The following FBF1 variants were observed in gnomAD, a reference collection of about 807,000 sequenced individuals.
FBF1 encodes the protein fas-binding factor 1.
Under a neutral mutation model 147.2 loss-of-function variants are expected in FBF1, and 119 were observed. The ratio of observed to expected loss-of-function variants is 0.81; its 90% CI spans 0.70 to 0.94. FBF1 has a LOEUF of 0.94. FBF1 is among the 40% of genes least tolerant of loss of function. The probability of loss-of-function intolerance (pLI) is 0.00; values close to 1 mark genes in which losing one functional copy is unlikely to be tolerated. For synonymous variants in FBF1, 601 were observed against 609.0 expected (o/e 0.99, Z 0.19); for missense variants, 1,449 against 1,500.8 (o/e 0.97, Z 0.57).
chr17:75,937,462 G>A, intron 3 of FBF1, 104 bp downstream of exon 3: 5 of 1,368,066 alleles, frequency 3.7e-6, no homozygotes, highest in African/African-American at 1.4e-5. Flanking sequence ...GAGCCACCGT[G>A]CCCGGCCCAA....
intron 16 of FBF1, 38 bp from the exon 17 acceptor site, chr17:75,921,340 A>AG (rs1177332416): frequency 1.3e-6 from 2 of 1,571,032 alleles, no homozygotes; most frequent in African/African-American, 2.7e-5. Flanking sequence ...CAGGAGGCCC[A>AG]GGGCACTGGG....
rs1450455447 is a variant in FBF1 at position 75,925,667 on chromosome 17, C to T, written c.869-221G>A. Among the ~76,000 whole-genome samples, 2 of 152,172 alleles carry T rather than the reference C, an allele frequency of 1.3e-5. No individual in the cohort carries two copies. Among genetic ancestry groups the T allele is most frequent in the African/African-American group, 4.8e-5 (2 of 41,438 alleles). On this transcript the variant is annotated intron_variant, in intron 12 of 29. Transcript: ENST00000636174. The surrounding 1 kb of genome is among the most constrained non-coding windows in gnomAD (Gnocchi z 5.0). ...ATCCCTCGAGGTCAGGTCCAGCGAG[C>T]GGCATGTGTCACAAGAATGATTCTC...
At chr17:75,929,964 C>CCCCCCCTACAAAA in intron 7 of FBF1, 33 bp downstream of exon 7, 1 of 1,402,202 alleles carries the variant, frequency 7.1e-7, no homozygotes, top group Non-Finnish European at 9.9e-7. Context: ...CACCCACCCC[C>CCCCCCCTACAAAA]AGTTCTAAGA....
At position 75,925,391 on chromosome 17, in the gene FBF1, A is replaced by G. The variant is rs967187827; in HGVS notation, c.924T>C (p.Thr308=). 6.2e-7 allele frequency: 1 copy of G among 1,613,654 alleles called. No homozygotes were observed. Among genetic ancestry groups the G allele is most frequent in the South Asian group, 1.1e-5 (1 of 91,070 alleles). Residue 308 remains threonine (T), a synonymous_variant, in exon 13 of 30, where the codon ACT becomes ACC. Coordinates refer to ENST00000636174, the MANE Select transcript of FBF1 (RefSeq NM_001319193.2). The surrounding 1 kb of genome is among the most constrained non-coding windows in gnomAD (Gnocchi z 5.0). ...EDFTFGAYQP[T]VVSSEGRQSR... is the part of the protein sequence containing the mutation. The stretch of plus-strand genomic sequence containing the variant: ...ACTGCCGGCCCTCAGAGGAGACCAC[A>G]GTGGGCTGATAGGCTCCAAAGGTGA...
chr17:75,915,177 G>T, intron 23 of FBF1, 38 bp from the exon 24 acceptor site: 1 of 1,586,684 alleles, frequency 6.3e-7, no homozygotes, highest in African/African-American at 1.3e-5. Flanking sequence ...CGTGGTTCCC[G>T]CCCTGAGGAT....
intron 4 of FBF1, among the ~76,000 whole-genome samples, chr17:75,934,505 G>C (rs1172278002): frequency 6.7e-6 from 1 of 150,284 alleles, no homozygotes; most frequent in East Asian, 1.9e-4. Context: ...AGGCAGAGCC[G>C]AGATGGTGCC....
Position 75,923,272 on chromosome 17 carries a change from C to T in FBF1, c.1338G>A (p.Lys446=). The T allele has an allele frequency of 1.3e-6, 2 of 1,590,770 alleles. No homozygotes were observed. The highest frequency in any genetic ancestry group is 1.7e-6 in the Non-Finnish European group (2 of 1,169,032). Reference sequence around the variant, plus strand: ...GCTGCTCTCTGGCCAGGCCTTGGGACTTCTTCCGAGACAGGGCATGGCTCA... The same window carrying T: ...GCTGCTCTCTGGCCAGGCCTTGGGATTTCTTCCGAGACAGGGCATGGCTCA... ...DWLSHALSRK[K]SQGLAREQHA... The change falls in exon 14 of 30, where the codon AAG becomes AAA. Residue 446 remains lysine, a synonymous_variant. Transcript: ENST00000636174. This position sits in a 1 kb window ranked among gnomAD's most constrained non-coding sequence, Gnocchi z 4.1.
rs73997666 is a variant in FBF1 at position 75,931,503 on chromosome 17, G to T, written c.168-214C>A. Among the ~76,000 whole-genome samples the T allele has an allele frequency of 8.2e-3, 1,250 of 152,318 alleles. 18 individuals carry two copies. Among genetic ancestry groups the T allele is most frequent in the African/African-American group, 0.024 (1,003 of 41,562 alleles). The stretch of plus-strand genomic sequence containing the variant: ...AAAACAAATTGTTAAAAACCATAGG[G>T]CTGGGTGTGGGGGCTCATGCCTGTA... On this transcript the variant is annotated intron_variant, in intron 5 of 29. Transcript: ENST00000636174.
chr17:75,923,129 C>G lies in FBF1; in HGVS notation c.1424+57G>C. 1 of 1,462,874 alleles carries G rather than the reference C, an allele frequency of 6.8e-7. No homozygotes were observed. Among genetic ancestry groups the G allele is most frequent in the South Asian group, 1.4e-5 (1 of 72,820 alleles). 90.6% of individuals were successfully genotyped at this position (1,462,874 alleles called of 1,614,324 possible). ...TGCAACAGGTGAAGGGGCAAAGGGGCTCCTCAAGTCCCCAGCCAGTCCTCC... is the reference window on the plus strand; with the variant it reads ...TGCAACAGGTGAAGGGGCAAAGGGGGTCCTCAAGTCCCCAGCCAGTCCTCC... On this transcript the variant is annotated intron_variant, in intron 14 of 29. Transcript: ENST00000636174. This position sits in a 1 kb window ranked among gnomAD's most constrained non-coding sequence, Gnocchi z 4.1.
intron 9 of FBF1, 60 bp from the exon 10 acceptor site, chr17:75,926,937 C>T (rs2065565725): frequency 6.4e-7 from 1 of 1,565,540 alleles, no homozygotes; most frequent in African/African-American, 1.4e-5. Context: ...AAAAGCAAGC[C>T]TGAACTGGGG....
In FBF1 at chr17:75,917,981, G is replaced by GCC; in HGVS notation, c.2335_2336insGG (p.Thr779ArgfsTer49). ...GATCCCCAGCTCCCGCTCCTGGGAG[G>GCC]TGGTGAGGTGCGAGGCCTCCACGCG... On this transcript the variant is annotated frameshift_variant, in exon 22 of 30. Transcript: ENST00000636174. LOFTEE classifies it high-confidence loss of function. 2 of 1,611,062 alleles carry GCC rather than the reference G, an allele frequency of 1.2e-6. No individual in the cohort carries two copies. The highest frequency in any genetic ancestry group is 1.7e-6 in the Non-Finnish European group (2 of 1,178,220).
intron 3 of FBF1, among the ~76,000 whole-genome samples, chr17:75,936,032 G>T (rs2065622468): frequency 6.6e-6 from 1 of 150,758 alleles, no homozygotes; most frequent in Non-Finnish European, 1.5e-5. Context: ...AAAAAAAATG[G>T]CTGGGCGCGG....
chr17:75,925,725 A>C lies in FBF1; in HGVS notation c.869-279T>G, dbSNP rs2065556517. Among the ~76,000 whole-genome samples, 2 of 152,268 alleles carry C rather than the reference A, an allele frequency of 1.3e-5. No individual in the cohort carries two copies. Among genetic ancestry groups the C allele is most frequent in the East Asian group, 3.9e-4 (2 of 5,176 alleles). The stretch of plus-strand genomic sequence containing the variant: ...AGCTTGTGGGCTGATGCTTTGAGAA[A>C]CATGTCCAGAGCAGTGCTTTTCAAA... On this transcript the variant is annotated intron_variant, in intron 12 of 29. Coordinates refer to ENST00000636174, the MANE Select transcript of FBF1 (RefSeq NM_001319193.2). The surrounding 1 kb of genome is among the most constrained non-coding windows in gnomAD (Gnocchi z 5.0).
intron 18 of FBF1, 71 bp downstream of exon 18, chr17:75,920,202 CT>C (rs1300650278): frequency 6.3e-7 from 1 of 1,589,982 alleles, no homozygotes; most frequent in African/African-American, 1.3e-5. Context: ...CCTGGGGAAG[CT>C]TCCAGCCACT....
chr17:75,917,904 C>T lies in FBF1; in HGVS notation c.2386+27G>A, dbSNP rs567254904. On this transcript the variant is annotated intron_variant, in intron 22 of 29. Transcript: ENST00000636174. Reference sequence around the variant, plus strand: ...GCTGCTCCCCCTTCCCACCAGGAGCCGGGGTGGCTGAGAGGGGAGGGCGTA... The same window carrying T: ...GCTGCTCCCCCTTCCCACCAGGAGCTGGGGTGGCTGAGAGGGGAGGGCGTA... 2.7e-5 allele frequency: 43 copies of T among 1,587,878 alleles called. 1 individual carries two copies. The South Asian group carries it at 3.1e-4, about 11-fold the overall frequency.
rs751303620 is a variant in FBF1, at chr17:75,925,401, T to C, written c.914A>G (p.Tyr305Cys). 8 of 1,613,636 alleles carry C rather than the reference T, an allele frequency of 5.0e-6. No homozygotes were observed. In the East Asian group the frequency reaches 6.7e-5, roughly 13 times the overall value. The change falls in exon 13 of 30, where the codon TAT (tyrosine) becomes TGT (cysteine). Residue 305 changes from tyrosine (Y) to cysteine (C), a missense_variant. Tyr to Cys is a radical substitution (Grantham distance 194, BLOSUM62 -2). Coordinates refer to ENST00000636174, the MANE Select transcript of FBF1 (RefSeq NM_001319193.2). This position sits in a 1 kb window ranked among gnomAD's most constrained non-coding sequence, Gnocchi z 5.0. ...WGDEDFTFGAYQPTVVSSEGR... is the reference protein window; with the variant it reads ...WGDEDFTFGACQPTVVSSEGR... ...CTCAGAGGAGACCACAGTGGGCTGATAGGCTCCAAAGGTGAAGTCCTCGTC... is the reference window on the plus strand; with the variant it reads ...CTCAGAGGAGACCACAGTGGGCTGACAGGCTCCAAAGGTGAAGTCCTCGTC...
chr17:75,920,830 T>TG (rs34022293), intron 17 of FBF1, among the ~76,000 whole-genome samples: 6,061 of 119,594 alleles, frequency 0.051, 268 homozygotes, highest in Non-Finnish European at 0.084. Flanking sequence ...GACACACTCC[T>TG]GGGGGGGGGG....
intron 1 of FBF1, 21 bp downstream of exon 1, chr17:75,940,827 C>CCT (rs1390063891): frequency 6.5e-6 from 1 of 153,894 alleles, no homozygotes; most frequent in Non-Finnish European, 1.5e-5. Context: ...TCCCGAGACT[C>CCT]CGCGCCCCTC....
At chr17:75,927,399 G>A in intron 9 of FBF1, 56 bp downstream of exon 9, 1 of 1,487,356 alleles carries the variant, frequency 6.7e-7, no homozygotes, top group South Asian at 1.2e-5. Context: ...AGCATGCCTA[G>A]GCTGCTCCAC....
Sources: gnomAD v4.1 joint callset for allele counts (sites outside exome capture counted in the v4.1 genomes callset) on GRCh38, gnomAD v4.1.1 for gene constraint, Gnocchi (gnomAD v3.1) non-coding constraint, MANE v1.5 for transcripts, NCBI Gene and HGNC (gene_info 2026-07-23, HGNC 2026-07-21) for gene names.